The following TRIO variants were observed in gnomAD, a reference collection of about 807,000 sequenced individuals.
The protein encoded by TRIO is triple functional domain protein.
Under a neutral mutation model 351.9 loss-of-function variants are expected in TRIO, and 58 were observed. The ratio of observed to expected loss-of-function variants is 0.16; its 90% CI spans 0.13 to 0.21. The LOEUF (loss-of-function observed/expected upper bound fraction) is 0.21. Among genes scored for constraint, TRIO ranks in the 10% least tolerant of loss-of-function variants. The pLI is 1.00. For missense variants in TRIO, 3,201 were observed against 4,027.8 expected (o/e 0.79, Z 5.56); for synonymous variants, 1,758 against 1,595.7 (o/e 1.10, Z -2.42).
chr5:14,306,009 G>A (rs1398529856), intron 8 of TRIO, among the ~76,000 whole-genome samples: 1 of 152,208 alleles, frequency 6.6e-6, no homozygotes, highest in Non-Finnish European at 1.5e-5. Context: ...GTGTGCAGTA[G>A]GCTGCATCGT....
At position 14,316,568 on chromosome 5, in the gene TRIO, G is replaced by A; in HGVS notation, c.1556G>A (p.Gly519Asp). ...AAGCTCCAGCGGCCCTTGACTCCCG[G>A]CAGCTCCGATTCCCTGACAGCCTCT... ...LDKLQRPLTP[G>D]SSDSLTASAN... The change falls in exon 9 of 57, where the codon GGC becomes GAC. Residue 519 changes from glycine (G) to aspartate (D), a missense_variant. Gly to Asp is a moderately conservative substitution (Grantham distance 94). This residue lies in a region of TRIO where 349 missense variants were observed against 449.3 expected (regional missense o/e 0.78). Coordinates refer to ENST00000344204, the MANE Select transcript of TRIO (RefSeq NM_007118.4). 6.2e-7 allele frequency: 1 copy of A among 1,614,184 alleles called. No homozygotes were observed. The highest frequency in any genetic ancestry group is 8.5e-7 in the Non-Finnish European group (1 of 1,180,034).
chr5:14,502,331 GTATT>G (rs1387849571), intron 53 of TRIO, among the ~76,000 whole-genome samples: 5 of 152,186 alleles, frequency 3.3e-5, no homozygotes, highest in African/African-American at 1.2e-4. Flanking sequence ...TACATCCAAA[GTATT>G]AGATTTCAAC....
Position 14,291,731 on chromosome 5 carries a change from G to C in TRIO, c.1053+503G>C, listed in dbSNP as rs1236244186. The stretch of plus-strand genomic sequence containing the variant: ...TTGAACCCATGAGGCAGAGGTTGCA[G>C]TGAGCCAAGATCGTGCCATTGCATT... On this transcript the variant is annotated intron_variant, in intron 5 of 56. Transcript: ENST00000344204. 7.8e-5 allele frequency among the ~76,000 whole-genome samples: 11 copies of C among 141,008 alleles called. No individual in the cohort carries two copies. In the Admixed American group the frequency reaches 8.7e-4, roughly 11 times the overall value. 92.5% of individuals were successfully genotyped at this position (141,008 alleles called of 152,430 possible). A position where few individuals can be genotyped will look rare whatever the true frequency, so the allele number is the denominator to read the frequency against.
intron 2 of TRIO, among the ~76,000 whole-genome samples, chr5:14,273,954 A>G (rs573616864): frequency 5.3e-5 from 8 of 152,312 alleles, no homozygotes; most frequent in East Asian, 3.9e-4. Context: ...TGTTTCATCT[A>G]TATTTCCACT....
At chr5:14,157,739 G>A (rs771978742) in intron 1 of TRIO, among the ~76,000 whole-genome samples, 8 of 151,848 alleles carry the variant, frequency 5.3e-5, no homozygotes, top group African/African-American at 1.7e-4. Context: ...CATGTGCCAC[G>A]ACACCCAGCT....
intron 34 of TRIO, among the ~76,000 whole-genome samples, chr5:14,437,554 C>A (rs1751681403): frequency 6.6e-6 from 1 of 152,108 alleles, no homozygotes; most frequent in African/African-American, 2.4e-5. Context: ...AGTTAGAGAT[C>A]AGGGTGTCAG....
At position 14,415,311 on chromosome 5, in the gene TRIO, A is replaced by G. The variant is rs541534714; in HGVS notation, c.4960-4467A>G. 5.9e-5 allele frequency among the ~76,000 whole-genome samples: 9 copies of G among 152,174 alleles called. No homozygotes were observed. The South Asian group carries it at 1.2e-3, about 21-fold the overall frequency. On this transcript the variant is annotated intron_variant, in intron 33 of 56. Coordinates refer to ENST00000344204, the MANE Select transcript of TRIO (RefSeq NM_007118.4). The stretch of plus-strand genomic sequence containing the variant: ...GAAGACTGACTGCATCACCCACCAC[A>G]CCAGTCCGAGAGAGCCCCCTCTTCC...
chr5:14,369,665 T>C, intron 18 of TRIO, 142 bp downstream of exon 18: 1 of 1,092,582 alleles, frequency 9.2e-7, no homozygotes, highest in Non-Finnish European at 1.2e-6. Context: ...GTCGCATCAG[T>C]GAGAAGTCAG....
chr5:14,337,126 C>T (rs186262961), intron 11 of TRIO, among the ~76,000 whole-genome samples: 74 of 152,244 alleles, frequency 4.9e-4, no homozygotes, highest in African/African-American at 1.6e-3. Flanking sequence ...TGCTAGTAAA[C>T]GTGAGTGTTA....
rs1346356140 is a variant in TRIO at position 14,487,963 on chromosome 5, G to A, written c.7335G>A (p.Pro2445=). The A allele has an allele frequency of 3.9e-6, 6 of 1,551,012 alleles. No homozygotes were observed. The highest frequency in any genetic ancestry group is 4.9e-5 in the East Asian group (2 of 41,102). Residue 2445 remains proline, a synonymous_variant, in exon 48 of 57, where the codon CCG becomes CCA. Transcript: ENST00000344204. The part of the protein sequence containing the change: ...KDARASLGTL[P]LGKPRAGAAS... ...CGCGCGCTAGCCTGGGCACCCTGCC[G>A]CTTGGGAAGCCCCGGGCCGGGGCCG... is the stretch of plus-strand genomic sequence containing the variant.
chr5:14,436,626 C>T (rs1386865109), intron 34 of TRIO, among the ~76,000 whole-genome samples: 2 of 152,178 alleles, frequency 1.3e-5, no homozygotes, highest in South Asian at 2.1e-4. Context: ...TAGTTACTTC[C>T]TAGATACGAT....
At chr5:14,148,102 A>AT (rs1471235370) in intron 1 of TRIO, among the ~76,000 whole-genome samples, 1 of 152,158 alleles carries the variant, frequency 6.6e-6, no homozygotes, top group Admixed American at 6.5e-5. Flanking sequence ...GGGATATTGT[A>AT]TTTTTTCCCT....
intron 11 of TRIO, among the ~76,000 whole-genome samples, chr5:14,356,206 A>G (rs561122745): frequency 6.6e-6 from 1 of 152,234 alleles, no homozygotes; most frequent in African/African-American, 2.4e-5. Context: ...TATTTTATGT[A>G]TGTAAATATT....
chr5:14,507,034 A>G, intron 55 of TRIO, 88 bp from the exon 56 acceptor site: 1 of 1,453,568 alleles, frequency 6.9e-7, no homozygotes, highest in South Asian at 1.5e-5. Context: ...ATAACAGGTG[A>G]CAGGTCCGAC....
chr5:14,372,425 C>G (rs1389222975), intron 18 of TRIO, among the ~76,000 whole-genome samples: 1 of 152,130 alleles, frequency 6.6e-6, no homozygotes, highest in East Asian at 1.9e-4. Flanking sequence ...CAGTTCATCC[C>G]TCTGTACTTC....
At chr5:14,151,406 G>GTA (rs1462005515) in intron 1 of TRIO, among the ~76,000 whole-genome samples, 3 of 151,074 alleles carry the variant, frequency 2.0e-5, no homozygotes, top group African/African-American at 4.9e-5. Flanking sequence ...GTGTGTGTGT[G>GTA]TGTATGTATG....
chr5:14,150,686 A>G (rs1349380569), intron 1 of TRIO, among the ~76,000 whole-genome samples: 1 of 152,248 alleles, frequency 6.6e-6, no homozygotes, highest in African/African-American at 2.4e-5. Context: ...AATGATACCA[A>G]CAAAAGCCAA....
intron 5 of TRIO, among the ~76,000 whole-genome samples, chr5:14,291,910 AAC>A (rs573787838): frequency 3.3e-5 from 5 of 152,018 alleles, no homozygotes; most frequent in African/African-American, 4.8e-5. Context: ...TGTTAAAAGT[AAC>A]AGTTTCTGGG....
At chr5:14,391,657 C>G (rs1265618521) in intron 27 of TRIO, among the ~76,000 whole-genome samples, 1 of 152,190 alleles carries the variant, frequency 6.6e-6, no homozygotes, top group African/African-American at 2.4e-5. Flanking sequence ...TGTGCCAATA[C>G]ATTTTGATTG....
Sources: allele counts gnomAD v4.1 joint callset (sites outside exome capture counted in the v4.1 genomes callset), GRCh38; gene constraint gnomAD v4.1.1; regional missense constraint gnomAD v4.1.1; transcripts MANE v1.5; gene names NCBI Gene and HGNC (gene_info 2026-07-23, HGNC 2026-07-21).